Variants in FAM86B1 observed in about 807,000 individuals in gnomAD.
FAM86B1 encodes putative protein N-methyltransferase FAM86B1.
For missense variants in FAM86B1, 13 were observed against 328.1 expected (o/e 0.04, Z 7.42); for synonymous variants, 4 against 137.6 (o/e 0.03, Z 6.79).
At chr8:12,191,020 T>C (rs1806764593) in intron 2 of FAM86B1, among the ~76,000 whole-genome samples, 1 of 149,150 alleles carries the variant, frequency 6.7e-6, no homozygotes. Flanking sequence ...TGACCTACTG[T>C]ATTGCCCCGA....
At chr8:12,193,855 CGAG>C (rs1241214826) in intron 1 of FAM86B1, 117 bp downstream of exon 1, 2 of 702,882 alleles carry the variant, frequency 2.8e-6, no homozygotes, top group African/African-American at 5.5e-5. Flanking sequence ...CGGCCCTGAC[CGAG>C]GAGAGCCCAG....
At chr8:12,193,933 C>T (rs2150766866) in intron 1 of FAM86B1, 42 bp downstream of exon 1, 1 of 1,124,968 alleles carries the variant, frequency 8.9e-7, no homozygotes, top group Non-Finnish European at 1.2e-6. Context: ...CCCCTGGACT[C>T]CCGCGACCCC....
chr8:12,193,088 G>C (rs566015027), intron 1 of FAM86B1, among the ~76,000 whole-genome samples: 1 of 143,606 alleles, frequency 7.0e-6, no homozygotes, highest in African/African-American at 2.9e-5. Context: ...CCACCTGGTG[G>C]GTGTTGAGGG....
chr8:12,189,253 A>AATAT (rs1563196851), intron 3 of FAM86B1, among the ~76,000 whole-genome samples: 1 of 118,208 alleles, frequency 8.5e-6, no homozygotes, highest in South Asian at 2.7e-4. Flanking sequence ...TCTCAAAAAA[A>AATAT]ATATATAAAT....
At chr8:12,184,331 C>T (rs1196386947) in intron 6 of FAM86B1, among the ~76,000 whole-genome samples, 1 of 3,828 alleles carries the variant, frequency 2.6e-4, no homozygotes, top group Admixed American at 4.5e-3. Flanking sequence ...CCCACCTCAG[C>T]CTCCCGAGTA....
rs1158781002 is a variant in FAM86B1 at position 12,189,278 on chromosome 8, ATAAATAAATAAATAAATAAATAAG to A, written c.240+506_240+529del. ...AATATATAAATAAATAAATAAATAAATAAATAAATAAATAAATAAATAAGTAAAAAATAAAATCCATCCTATATC... is the reference window on the plus strand; with the variant it reads ...AATATATAAATAAATAAATAAATAAATAAAAAATAAAATCCATCCTATATC... On this transcript the variant is annotated intron_variant, in intron 3 of 6. Transcript: ENST00000448228. Among the ~76,000 whole-genome samples, 19 of 66,760 alleles carry A rather than the reference ATAAATAAATAAATAAATAAATAAG, an allele frequency of 2.8e-4. 1 individual carries two copies. In the South Asian group the frequency reaches 9.0e-3, roughly 32 times the overall value. 43.8% of individuals were successfully genotyped at this position (66,760 alleles called of 152,430 possible). A position where few individuals can be genotyped will look rare whatever the true frequency, so the allele number is the denominator to read the frequency against.
chr8:12,185,349 T>G, intron 6 of FAM86B1, 27 bp downstream of exon 6: 1 of 1,557,232 alleles, frequency 6.4e-7, no homozygotes, highest in South Asian at 1.1e-5. Context: ...GGGCACCATG[T>G]AGGCCCGGGT....
At position 12,186,533 on chromosome 8, in the gene FAM86B1, G is replaced by T. The variant is rs76431111; in HGVS notation, c.459C>A (p.Ser153Arg). ...GCTCGAGGACCCGGCTGTGAGGGTC[G>T]CTGAAGATGTATGCCCGGGGGCGGC... ...KMCRPRAYIF[S>R]DPHSRVLEQL... The change falls in exon 5 of 7, where the codon AGC becomes AGA. Residue 153 changes from serine to arginine, a missense_variant. By Grantham distance (110) the Ser-to-Arg change is moderately radical (BLOSUM62 -1). Coordinates refer to ENST00000448228, the MANE Select transcript of FAM86B1 (RefSeq NM_001083537.4). The T allele has an allele frequency of 6.3e-7, 1 of 1,599,278 alleles. No individual in the cohort carries two copies. Among genetic ancestry groups the T allele is most frequent in the Admixed American group, 1.7e-5 (1 of 58,730 alleles).
intron 1 of FAM86B1, among the ~76,000 whole-genome samples, chr8:12,192,805 C>G (rs1196099155): frequency 6.7e-6 from 1 of 150,324 alleles, no homozygotes; most frequent in Non-Finnish European, 1.5e-5. Flanking sequence ...CTAGCTAACA[C>G]CGACATGCAT....
At chr8:12,192,842 A>G (rs1807140965) in intron 1 of FAM86B1, among the ~76,000 whole-genome samples, 1 of 150,476 alleles carries the variant, frequency 6.6e-6, no homozygotes, top group Admixed American at 6.6e-5. Flanking sequence ...ACTGATCCGC[A>G]GGCATTTGTA....
intron 3 of FAM86B1, among the ~76,000 whole-genome samples, chr8:12,189,255 TATATAAATAA>T (rs879328935): frequency 0.013 from 1,520 of 118,908 alleles, no homozygotes; most frequent in Non-Finnish European, 0.016. Context: ...TCAAAAAAAA[TATATAAATAA>T]ATAAATAAAT....
upstream of FAM86B1, chr8:12,194,601 G>C (rs1447567210): frequency 2.6e-5 from 4 of 155,690 alleles, no homozygotes; most frequent in African/African-American, 1.3e-4. Context: ...GGCGGTGCGC[G>C]GACTCTGGGA....
intron 1 of FAM86B1, among the ~76,000 whole-genome samples, chr8:12,192,992 C>T (rs1441422955): frequency 1.5e-4 from 21 of 143,630 alleles, no homozygotes; most frequent in South Asian, 4.3e-4. Flanking sequence ...TCGAAGCAGG[C>T]AGGCTGTCTC....
intron 3 of FAM86B1, among the ~76,000 whole-genome samples, chr8:12,189,340 G>C (rs1806423164): frequency 8.7e-6 from 1 of 115,386 alleles, no homozygotes; most frequent in Non-Finnish European, 1.7e-5. Flanking sequence ...TCAGGAAAGA[G>C]CTCATTCCAG....
intron 1 of FAM86B1, among the ~76,000 whole-genome samples, chr8:12,193,384 G>A (rs1314852136): frequency 3.1e-4 from 44 of 141,352 alleles, no homozygotes; most frequent in African/African-American, 1.3e-3. Flanking sequence ...GGTGCATTAA[G>A]CCCCTCTGCT....
intron 1 of FAM86B1, among the ~76,000 whole-genome samples, chr8:12,193,030 C>T (rs1338563009): frequency 6.9e-6 from 1 of 143,888 alleles, no homozygotes; most frequent in Non-Finnish European, 1.5e-5. Flanking sequence ...ACTACTTCAC[C>T]CTAATCAAAC....
At chr8:12,187,156 C>T (rs865955462) in intron 3 of FAM86B1, among the ~76,000 whole-genome samples, 165 of 25,512 alleles carry the variant, frequency 6.5e-3, no homozygotes, top group African/African-American at 0.014. Flanking sequence ...TGTGATGATT[C>T]AATATGCTAT....
rs1375210606 is a variant in FAM86B1, at chr8:12,187,263, G to T, written c.241-430C>A. On this transcript the variant is annotated intron_variant, in intron 3 of 6. Transcript: ENST00000448228. Reference sequence around the variant, plus strand: ...GGCTGGAGTCAGTGGCACGATCTTGGCTTACTGCAACATCTGCCTCCTGGG... The same window carrying T: ...GGCTGGAGTCAGTGGCACGATCTTGTCTTACTGCAACATCTGCCTCCTGGG... Among the ~76,000 whole-genome samples the T allele has an allele frequency of 1.1e-4, 3 of 27,534 alleles. No individual in the cohort carries two copies. In the East Asian group the frequency reaches 7.8e-3, roughly 71 times the overall value. 18.1% of individuals were successfully genotyped at this position (27,534 alleles called of 152,430 possible).
Position 12,182,474 on chromosome 8 carries a change from T to G in FAM86B1, c.*1132A>C. On this transcript the variant is annotated 3_prime_UTR_variant, in exon 7 of 7. Coordinates refer to ENST00000448228, the MANE Select transcript of FAM86B1 (RefSeq NM_001083537.4). ...GGGTCTCAAGTCCAAGTGAGGGAGT[T>G]AGGGACTTGGGAGGGGTTGTTGTTG... 2.3e-6 allele frequency: 3 copies of G among 1,302,156 alleles called. No individual in the cohort carries two copies. The highest frequency in any genetic ancestry group is 1.1e-6 in the Non-Finnish European group (1 of 946,736). The allele number at this position is 1,302,156 out of a possible 1,614,324, so 80.7% of individuals were successfully genotyped here.
Sources: gnomAD v4.1 joint callset for allele counts (sites outside exome capture counted in the v4.1 genomes callset) on GRCh38, gnomAD v4.1.1 for gene constraint, MANE v1.5 for transcripts, NCBI Gene and HGNC (gene_info 2026-07-23, HGNC 2026-07-21) for gene names.